Variants in TRAPPC10 observed in about 807,000 individuals in gnomAD.
The protein encoded by TRAPPC10 is TRAPP 130 kDa subunit.
Under a neutral mutation model 125.5 loss-of-function variants are expected in TRAPPC10, and 23 were observed. The ratio of observed to expected loss-of-function variants is 0.18; its 90% CI spans 0.13 to 0.26. The LOEUF is 0.26. Among genes scored for constraint, TRAPPC10 ranks in the 10% least tolerant of loss-of-function variants. The pLI, the probability that TRAPPC10 is intolerant of heterozygous loss-of-function variation, is 1.00. For missense variants in TRAPPC10, 1,123 were observed against 1,308.4 expected (o/e 0.86, Z 2.19); for synonymous variants, 509 against 518.0 (o/e 0.98, Z 0.24).
rs193262958 is a variant in TRAPPC10 at position 44,032,915 on chromosome 21, G to A, written c.149+743G>A. ...CCTCCCTCCACCCTGGCTCCTGTGC[G>A]TTTTCCTTAAGGACAAGAAGGTAAA... On this transcript the variant is annotated intron_variant, in intron 2 of 22. Coordinates refer to ENST00000291574, the MANE Select transcript of TRAPPC10 (RefSeq NM_003274.5). 3.3e-4 allele frequency among the ~76,000 whole-genome samples: 50 copies of A among 152,256 alleles called. No individual in the cohort carries two copies. In the East Asian group the frequency reaches 9.5e-3, roughly 29 times the overall value.
chr21:44,024,051 A>T (rs1287030249), intron 1 of TRAPPC10, among the ~76,000 whole-genome samples: 1 of 152,162 alleles, frequency 6.6e-6, no homozygotes. Flanking sequence ...CTCCCAAAGC[A>T]TTGGGATTAC....
chr21:44,026,643 C>T (rs1443152583), intron 1 of TRAPPC10, among the ~76,000 whole-genome samples: 2 of 152,178 alleles, frequency 1.3e-5, no homozygotes, highest in African/African-American at 4.8e-5. Context: ...GCAAAATTTT[C>T]TGTAAAGCAA....
chr21:44,037,071 C>T (rs2034037855), intron 2 of TRAPPC10, among the ~76,000 whole-genome samples: 1 of 152,120 alleles, frequency 6.6e-6, no homozygotes, highest in Admixed American at 6.6e-5. Flanking sequence ...AAACACAGCA[C>T]CCTTAGATCG....
intron 6 of TRAPPC10, among the ~76,000 whole-genome samples, chr21:44,060,917 C>T (rs1453475130): frequency 7.5e-6 from 1 of 133,856 alleles, no homozygotes; most frequent in African/African-American, 2.7e-5. Context: ...TACATACATA[C>T]ACACACACAC....
intron 7 of TRAPPC10, among the ~76,000 whole-genome samples, chr21:44,065,293 G>A (rs959060153): frequency 1.3e-5 from 2 of 152,168 alleles, no homozygotes; most frequent in Non-Finnish European, 2.9e-5. Context: ...GGAGCCATAC[G>A]GGGTCTGTTG....
Position 44,052,410 on chromosome 21 carries a change from A to G in TRAPPC10, c.416A>G (p.Asn139Ser), listed in dbSNP as rs573479570. The G allele has an allele frequency of 6.2e-7, 1 of 1,613,924 alleles. No individual in the cohort carries two copies. Among genetic ancestry groups the G allele is most frequent in the Admixed American group, 1.7e-5 (1 of 60,006 alleles). ...GATGCCAAGAAAAAAAACAAAACCA[A>G]CATCCTTCCCCGAACCTCTATTGTG... ...ENDAKKKNKTNILPRTSIVDK... is the reference protein window; with the variant it reads ...ENDAKKKNKTSILPRTSIVDK... Residue 139 changes from asparagine (N) to serine (S), a missense_variant, in exon 4 of 23, where the codon AAC becomes AGC. Physicochemically the swap from Asn to Ser is conservative, Grantham distance 46. Transcript: ENST00000291574.
chr21:44,058,931 G>A (rs893699224), intron 5 of TRAPPC10, among the ~76,000 whole-genome samples, 172 bp from the exon 6 acceptor site: 1 of 152,252 alleles, frequency 6.6e-6, no homozygotes, highest in Non-Finnish European at 1.5e-5. Flanking sequence ...AGCTTCTTGT[G>A]CATGCGTGAA....
intron 18 of TRAPPC10, 130 bp downstream of exon 18, chr21:44,090,063 T>C: frequency 1.6e-6 from 1 of 641,000 alleles, no homozygotes; most frequent in Non-Finnish European, 2.7e-6. Context: ...GGCCATTGTT[T>C]GTGTCTTAAA....
chr21:44,024,859 A>G (rs759628723), intron 1 of TRAPPC10, among the ~76,000 whole-genome samples: 2 of 152,132 alleles, frequency 1.3e-5, no homozygotes, highest in Non-Finnish European at 2.9e-5. Context: ...GTACTCCATC[A>G]CAGTTTTTAT....
Position 44,047,561 on chromosome 21 carries a change from TGTGTGC to T in TRAPPC10, c.286-4717_286-4712del, listed in dbSNP as rs964920915. ...GTGTGTGTGTGTGTGTGTGTGTGTG[TGTGTGC>T]GCGCACACGCTACATGAAGTTCCAT... is the stretch of plus-strand genomic sequence containing the variant. On this transcript the variant is annotated intron_variant, in intron 3 of 22. Transcript: ENST00000291574. 8.0e-5 allele frequency among the ~76,000 whole-genome samples: 12 copies of T among 149,716 alleles called. 1 individual carries two copies. The highest frequency in any genetic ancestry group is 2.5e-4 in the African/African-American group (10 of 39,588).
At chr21:44,078,255 G>GCAGGA (rs2037426331) in intron 11 of TRAPPC10, among the ~76,000 whole-genome samples, 2 of 151,834 alleles carry the variant, frequency 1.3e-5, no homozygotes, top group African/African-American at 4.8e-5. Context: ...AGACTGCAGG[G>GCAGGA]TTTCCATTCC....
At chr21:44,036,289 C>T (rs2033975441) in intron 2 of TRAPPC10, among the ~76,000 whole-genome samples, 1 of 152,212 alleles carries the variant, frequency 6.6e-6, no homozygotes, top group Non-Finnish European at 1.5e-5. Flanking sequence ...AGCAGCCTCC[C>T]CACAGTCCTG....
chr21:44,030,194 G>A (rs939664252), intron 1 of TRAPPC10, among the ~76,000 whole-genome samples: 23 of 152,296 alleles, frequency 1.5e-4, no homozygotes, highest in Non-Finnish European at 2.8e-4. Flanking sequence ...ATTTGTATAC[G>A]TATGTGAAGT....
rs112452820 is a variant in TRAPPC10 at position 44,063,886 on chromosome 21, G to C, written c.1038+101G>C. On this transcript the variant is annotated intron_variant, in intron 7 of 22. Coordinates refer to ENST00000291574, the MANE Select transcript of TRAPPC10 (RefSeq NM_003274.5). This position sits in a 1 kb window ranked among gnomAD's most constrained non-coding sequence, Gnocchi z 4.4. Reference sequence around the variant, plus strand: ...CATTGAACTGTTTGTGCTTAAGAAAGGGTTTTCTTTTCTGAATGCCTTTAA... The same window carrying C: ...CATTGAACTGTTTGTGCTTAAGAAACGGTTTTCTTTTCTGAATGCCTTTAA... The C allele has an allele frequency of 1.8e-3, 2,649 of 1,473,878 alleles. 4 individuals carry two copies. Among genetic ancestry groups the C allele is most frequent in the Non-Finnish European group, 2.3e-3 (2,551 of 1,106,170 alleles). 91.3% of individuals were successfully genotyped at this position (1,473,878 alleles called of 1,614,324 possible).
rs112709517 is a variant in TRAPPC10, at chr21:44,059,524, C to A, written c.790+310C>A. The A allele has an allele frequency of 6.8e-4, 512 of 750,066 alleles. 2 individuals carry two copies. Among genetic ancestry groups the A allele is most frequent in the Non-Finnish European group, 1.1e-3 (456 of 401,688 alleles). The allele number at this position is 750,066 out of a possible 1,614,324, so 46.5% of individuals were successfully genotyped here. A position where few individuals can be genotyped will look rare whatever the true frequency, so the allele number is the denominator to read the frequency against. ...CTGGTGATGCTTCGATTCTGTCCCT[C>A]GTTAGAATCAGAGTGGACGTCCCTT... On this transcript the variant is annotated intron_variant, in intron 6 of 22. Transcript: ENST00000291574. This position sits in a 1 kb window ranked among gnomAD's most constrained non-coding sequence, Gnocchi z 4.4.
intron 2 of TRAPPC10, among the ~76,000 whole-genome samples, chr21:44,033,755 T>A (rs1272945368): frequency 6.6e-6 from 1 of 152,076 alleles, no homozygotes; most frequent in East Asian, 1.9e-4. Context: ...CCTAGCCACT[T>A]GGGAGGCTGA....
chr21:44,075,779 G>A (rs1601765727), intron 9 of TRAPPC10, among the ~76,000 whole-genome samples: 1 of 152,172 alleles, frequency 6.6e-6, no homozygotes, highest in Non-Finnish European at 1.5e-5. Context: ...GCTGGGCACG[G>A]TGGCTCCCAC....
At chr21:44,043,182 G>A (rs2034532174) in intron 3 of TRAPPC10, among the ~76,000 whole-genome samples, 1 of 147,340 alleles carries the variant, frequency 6.8e-6, no homozygotes, top group Non-Finnish European at 1.5e-5. Context: ...TCTATCCTGT[G>A]CCAGAATCAG....
At chr21:44,090,686 C>T (rs1020875959) in intron 18 of TRAPPC10, among the ~76,000 whole-genome samples, 4 of 152,248 alleles carry the variant, frequency 2.6e-5, no homozygotes, top group Admixed American at 6.5e-5. Flanking sequence ...ACGGTGCTAG[C>T]GTTGATCAAT....
Sources: allele counts gnomAD v4.1 joint callset (sites outside exome capture counted in the v4.1 genomes callset), GRCh38; gene constraint gnomAD v4.1.1; non-coding constraint Gnocchi (gnomAD v3.1); transcripts MANE v1.5; gene names NCBI Gene and HGNC (gene_info 2026-07-23, HGNC 2026-07-21).